Variants in RNF122 observed in about 807,000 individuals in gnomAD.
RNF122 encodes ring finger protein 122.
Under a neutral mutation model 24.2 loss-of-function variants are expected in RNF122, and 17 were observed. That is an observed-to-expected ratio of 0.70 (90% CI 0.48 to 1.06). RNF122 has a LOEUF of 1.06. Among genes scored for constraint, RNF122 ranks in the 50% least tolerant of loss-of-function variants. RNF122 has a pLI of 0.00. For missense variants in RNF122, 168 were observed against 198.1 expected (o/e 0.85, Z 0.91); for synonymous variants, 65 against 71.8 (o/e 0.91, Z 0.48).
rs142060371 is a variant in RNF122, at chr8:33,555,308, T to C, written c.182+3307A>G. On this transcript the variant is annotated intron_variant, in intron 2 of 5. Transcript: ENST00000256257. ...ACCTCCACCTCCTGGGTTCAAGTGA[T>C]TCTCCTGCCTCAGCCTCCCAAGTAG... Among the ~76,000 whole-genome samples the C allele has an allele frequency of 1.6e-4, 25 of 152,256 alleles. No homozygotes were observed. In the East Asian group the frequency reaches 4.6e-3, roughly 28 times the overall value.
chr8:33,552,274 C>T (rs1810387108), intron 2 of RNF122, among the ~76,000 whole-genome samples: 1 of 152,098 alleles, frequency 6.6e-6, no homozygotes, highest in South Asian at 2.1e-4. Context: ...TGGTGCATGC[C>T]TGTAATCCTA....
In RNF122 at chr8:33,566,748, C is replaced by A. The variant is rs769228600; in HGVS notation, c.-25G>T. On this transcript the variant is annotated 5_prime_UTR_variant, in exon 1 of 6. Coordinates refer to ENST00000256257, the MANE Select transcript of RNF122 (RefSeq NM_024787.3). ...TCAATGAAGTCGCGGTTGGCTTCCTCGGGCGAACGGACGCAGGCGGGGTGC... is the reference window on the plus strand; with the variant it reads ...TCAATGAAGTCGCGGTTGGCTTCCTAGGGCGAACGGACGCAGGCGGGGTGC... 4.4e-6 allele frequency: 7 copies of A among 1,600,478 alleles called. No individual in the cohort carries two copies. The highest frequency in any genetic ancestry group is 6.0e-6 in the Non-Finnish European group (7 of 1,174,620).
At chr8:33,557,225 C>T (rs1057347402) in intron 2 of RNF122, among the ~76,000 whole-genome samples, 2 of 152,202 alleles carry the variant, frequency 1.3e-5, no homozygotes, top group Admixed American at 1.3e-4. Context: ...ATGTACAGAA[C>T]AGTCCCATAC....
intron 2 of RNF122, among the ~76,000 whole-genome samples, chr8:33,557,744 C>T (rs1810476961): frequency 6.6e-6 from 1 of 151,860 alleles, no homozygotes; most frequent in African/African-American, 2.4e-5. Context: ...TGCCAAACTC[C>T]AGGTCTTCTC....
intron 1 of RNF122, among the ~76,000 whole-genome samples, chr8:33,564,555 G>T (rs114958277): frequency 6.9e-6 from 1 of 145,564 alleles, no homozygotes; most frequent in Admixed American, 6.8e-5. Flanking sequence ...CATGGTTGTC[G>T]GAGTGAGACC....
At chr8:33,561,788 C>T (rs1332270345) in intron 1 of RNF122, among the ~76,000 whole-genome samples, 1 of 152,118 alleles carries the variant, frequency 6.6e-6, no homozygotes, top group Non-Finnish European at 1.5e-5. Context: ...AGTGATCCAC[C>T]CGTCTTGGCC....
chr8:33,560,323 C>G (rs570597009), intron 1 of RNF122, among the ~76,000 whole-genome samples: 1 of 152,090 alleles, frequency 6.6e-6, no homozygotes, highest in East Asian at 1.9e-4. Context: ...CAGGTGGGTA[C>G]GTAACCAGGT....
rs567393712 is a variant in RNF122, at chr8:33,566,871, C to T, written c.-148G>A. ...CCTGCTGGAGAAGCCGAACTCCCTC[C>T]GGAGTGGGGGGCTTTGACGAGGCTG... is the stretch of plus-strand genomic sequence containing the variant. On this transcript the variant is annotated 5_prime_UTR_variant, in exon 1 of 6. Transcript: ENST00000256257. 2.4e-6 allele frequency: 2 copies of T among 826,018 alleles called. No homozygotes were observed. The highest frequency in any genetic ancestry group is 4.0e-6 in the Non-Finnish European group (2 of 501,096). 51.2% of individuals were successfully genotyped at this position (826,018 alleles called of 1,614,324 possible).
intron 1 of RNF122, among the ~76,000 whole-genome samples, chr8:33,565,221 A>G (rs778575170): frequency 6.6e-6 from 1 of 152,146 alleles, no homozygotes; most frequent in Non-Finnish European, 1.5e-5. Flanking sequence ...CGCCTATCAC[A>G]CACGGCTTGG....
chr8:33,549,396 A>C lies in RNF122; in HGVS notation c.353+14T>G, dbSNP rs1345251857. ...TTCTCCTTCGACGGGCACCCTGGAC[A>C]CATTCCCACGTACTTGCGGTGAAAG... On this transcript the variant is annotated intron_variant, in intron 5 of 5. Transcript: ENST00000256257. 6.2e-7 allele frequency: 1 copy of C among 1,608,636 alleles called. No individual in the cohort carries two copies.
rs150818390 is a variant in RNF122 at position 33,551,368 on chromosome 8, C to G, written c.204G>C (p.Gln68His). 4 of 1,614,006 alleles carry G rather than the reference C, an allele frequency of 2.5e-6. No individual in the cohort carries two copies. In the African/African-American group the frequency reaches 5.3e-5, roughly 22 times the overall value. Residue 68 changes from glutamine (Q) to histidine (H), a missense_variant, in exon 3 of 6, where the codon CAG becomes CAC. Physicochemically the swap from Gln to His is conservative, Grantham distance 24. Coordinates refer to ENST00000256257, the MANE Select transcript of RNF122 (RefSeq NM_024787.3). ...YFISKLRNQAQSERYGYKEVV... is the reference protein window; with the variant it reads ...YFISKLRNQAHSERYGYKEVV... ...CCTCCTTATATCCGTATCGCTCACTCTGTGCCTGGTTCCGCAGTTTGCTGG... is the reference window on the plus strand; with the variant it reads ...CCTCCTTATATCCGTATCGCTCACTGTGTGCCTGGTTCCGCAGTTTGCTGG...
chr8:33,561,436 T>C (rs745515514), intron 1 of RNF122, among the ~76,000 whole-genome samples: 7 of 152,148 alleles, frequency 4.6e-5, no homozygotes, highest in Non-Finnish European at 1.0e-4. Flanking sequence ...CACAGCCCTA[T>C]TGTAAACACT....
intron 1 of RNF122, among the ~76,000 whole-genome samples, chr8:33,564,189 G>A (rs866360635): frequency 6.6e-6 from 1 of 152,106 alleles, no homozygotes; most frequent in Non-Finnish European, 1.5e-5. Context: ...GTTTCTGAAG[G>A]GGTGAGGGAA....
chr8:33,565,513 G>T (rs1260545234), intron 1 of RNF122, among the ~76,000 whole-genome samples: 1 of 152,170 alleles, frequency 6.6e-6, no homozygotes, highest in African/African-American at 2.4e-5. Flanking sequence ...GAGGACTGGA[G>T]CGGGTGGGGT....
At chr8:33,564,409 T>C (rs1585363413) in intron 1 of RNF122, among the ~76,000 whole-genome samples, 2 of 127,110 alleles carry the variant, frequency 1.6e-5, no homozygotes, top group African/African-American at 6.5e-5. Flanking sequence ...AATTAATTAA[T>C]TAAAAATTAG....
At chr8:33,551,536 CAAG>C in intron 2 of RNF122, 147 bp from the exon 3 acceptor site, 1 of 762,418 alleles carries the variant, frequency 1.3e-6, no homozygotes, top group South Asian at 1.5e-5. Context: ...TGGACCTATG[CAAG>C]CCAACAAGGG....
At chr8:33,550,457 T>C (rs1266795931) in intron 4 of RNF122, among the ~76,000 whole-genome samples, 1 of 152,124 alleles carries the variant, frequency 6.6e-6, no homozygotes, top group Non-Finnish European at 1.5e-5. Flanking sequence ...TCTGTGGTCA[T>C]GAACAGGAGC....
rs1404530136 is a variant in RNF122 at position 33,558,753 on chromosome 8, C to T, written c.44G>A (p.Gly15Glu). Residue 15 changes from glycine (G) to glutamate (E), a missense_variant, in exon 2 of 6, where the codon GGA becomes GAA. Coordinates refer to ENST00000256257, the MANE Select transcript of RNF122 (RefSeq NM_024787.3). ...GCAGGACTTGTTGGTGCTAACCAGTCCCAGGCCACAGAAACACCCTGCAAA... is the reference window on the plus strand; with the variant it reads ...GCAGGACTTGTTGGTGCTAACCAGTTCCAGGCCACAGAAACACCCTGCAAA... ...QWCNGCFCGL[G>E]LVSTNKSCSM... is the part of the protein sequence containing the mutation. 6.3e-7 allele frequency: 1 copy of T among 1,583,504 alleles called. No homozygotes were observed. Among genetic ancestry groups the T allele is most frequent in the South Asian group, 1.1e-5 (1 of 87,358 alleles).
chr8:33,566,717 G>C lies in RNF122; in HGVS notation c.7C>G (p.Pro3Ala), dbSNP rs1328883264. The C allele has an allele frequency of 1.9e-6, 3 of 1,605,768 alleles. No homozygotes were observed. Among genetic ancestry groups the C allele is most frequent in the Non-Finnish European group, 1.7e-6 (2 of 1,176,952 alleles). The stretch of plus-strand genomic sequence containing the variant: ...GACTCACCGTTACACCACTGGAATG[G>C]GTGCATCAATGAAGTCGCGGTTGGC... The part of the protein sequence containing the change: MH[P>A]FQWCNGCFCG... The change falls in exon 1 of 6, where the codon CCA becomes GCA. Residue 3 changes from proline (P) to alanine (A), a missense_variant. Transcript: ENST00000256257.
Sources: gnomAD v4.1 joint callset for allele counts (sites outside exome capture counted in the v4.1 genomes callset) on GRCh38, gnomAD v4.1.1 for gene constraint, MANE v1.5 for transcripts, NCBI Gene and HGNC (gene_info 2026-07-23, HGNC 2026-07-21) for gene names.